Variants in AASDH observed in about 807,000 individuals in gnomAD.
The protein encoded by AASDH is beta-alanine-activating enzyme.
In AASDH, 81 loss-of-function variants were observed where a neutral mutation model predicts 102.3. The ratio of observed to expected loss-of-function variants is 0.79; its 90% CI spans 0.66 to 0.95. The LOEUF (loss-of-function observed/expected upper bound fraction) is 0.95. Among genes scored for constraint, AASDH ranks in the 40% least tolerant of loss-of-function variants. The probability of loss-of-function intolerance (pLI) is 0.00; values close to 1 mark genes in which losing one functional copy is unlikely to be tolerated. For synonymous variants in AASDH, 398 were observed against 454.0 expected, an observed-to-expected ratio of 0.88 and a Z score of 1.57; for missense variants, 1,203 against 1,266.2, an observed-to-expected ratio of 0.95 and a Z score of 0.76.
At chr4:56,386,952 G>C (rs1420136549) in intron 1 of AASDH, among the ~76,000 whole-genome samples, 1 of 152,058 alleles carries the variant, frequency 6.6e-6, no homozygotes, top group Non-Finnish European at 1.5e-5. Context: ...AATTGCTATG[G>C]GGCCTCTCTC....
chr4:56,366,937 G>C (rs1466486141), intron 5 of AASDH, among the ~76,000 whole-genome samples: 1 of 151,990 alleles, frequency 6.6e-6, no homozygotes, highest in Non-Finnish European at 1.5e-5. Context: ...AATTGTCCCT[G>C]TTTGCAGATG....
chr4:56,348,157 A>C (rs1748538204), intron 11 of AASDH, among the ~76,000 whole-genome samples: 1 of 152,140 alleles, frequency 6.6e-6, no homozygotes, highest in African/African-American at 2.4e-5. Flanking sequence ...TCTCAAAAAA[A>C]AGAAAAAAAA....
At chr4:56,370,028 T>C (rs1055190457) in intron 5 of AASDH, among the ~76,000 whole-genome samples, 20 of 151,706 alleles carry the variant, frequency 1.3e-4, no homozygotes, top group African/African-American at 4.8e-4. Context: ...TAACACACTA[T>C]GGTCTGAATG....
At position 56,384,258 on chromosome 4, in the gene AASDH, A is replaced by G. The variant is rs1753296841; in HGVS notation, c.42T>C (p.Tyr14=). The part of the protein sequence containing the change: ...QELVHKAASC[Y]MDRVAVCFDE... The stretch of plus-strand genomic sequence containing the variant: ...CAAAACATACAGCTACTCTGTCCAT[A>G]TAACAGGAGGCAGCCTTATGCACCA... Residue 14 remains tyrosine, a synonymous_variant, in exon 2 of 15, where the codon TAT becomes TAC. Transcript: ENST00000205214. 10 of 1,614,022 alleles carry G rather than the reference A, an allele frequency of 6.2e-6. No homozygotes were observed. The highest frequency in any genetic ancestry group is 3.3e-5 in the Admixed American group (2 of 60,002).
Position 56,355,234 on chromosome 4 carries a change from TTGATACCTCTG to T in AASDH, c.1040_1050del (p.Thr347LysfsTer7). 6.2e-7 allele frequency: 1 copy of T among 1,614,136 alleles called. No individual in the cohort carries two copies. The highest frequency in any genetic ancestry group is 8.5e-7 in the Non-Finnish European group (1 of 1,180,000). On this transcript the variant is annotated frameshift_variant, in exon 6 of 15. Transcript: ENST00000205214. LOFTEE classifies it high-confidence loss of function. Reference sequence around the variant, plus strand: ...GGAATCCTATAAATGGTCGCCCAACTTGATACCTCTGTGATACCATAAACATTAAATATTTG... The same window carrying T: ...GGAATCCTATAAATGGTCGCCCAACTTGATACCATAAACATTAAATATTTG...
At chr4:56,360,612 A>G (rs1750176564) in intron 5 of AASDH, among the ~76,000 whole-genome samples, 1 of 152,144 alleles carries the variant, frequency 6.6e-6, no homozygotes, top group Non-Finnish European at 1.5e-5. Flanking sequence ...AAATGTTGAA[A>G]TGATTGTTTT....
intron 5 of AASDH, among the ~76,000 whole-genome samples, chr4:56,357,114 T>C (rs542168651): frequency 6.6e-6 from 1 of 152,320 alleles, no homozygotes; most frequent in Non-Finnish European, 1.5e-5. Flanking sequence ...TATATACTAG[T>C]AAAACCATCA....
At chr4:56,383,956 C>T in intron 2 of AASDH, 114 bp downstream of exon 2, 1 of 829,662 alleles carries the variant, frequency 1.2e-6, no homozygotes, top group South Asian at 1.9e-5. Flanking sequence ...CTACAATTGA[C>T]CAAACAATAT....
intron 5 of AASDH, among the ~76,000 whole-genome samples, chr4:56,355,773 C>T (rs1460023907): frequency 4.0e-5 from 6 of 151,844 alleles, no homozygotes; most frequent in Non-Finnish European, 7.4e-5. Flanking sequence ...GCACGTACCA[C>T]CACACCTAGC....
chr4:56,382,998 G>A (rs1418628157), intron 2 of AASDH, among the ~76,000 whole-genome samples: 5 of 152,140 alleles, frequency 3.3e-5, no homozygotes, highest in African/African-American at 7.2e-5. Flanking sequence ...CGGAGGTTGC[G>A]GTGAGCCGAG....
intron 10 of AASDH, among the ~76,000 whole-genome samples, chr4:56,351,038 A>G (rs1009047736): frequency 3.3e-5 from 5 of 152,222 alleles, no homozygotes; most frequent in Admixed American, 2.6e-4. Context: ...CTCTGACAAG[A>G]GTGTTACTAC....
intron 12 of AASDH, among the ~76,000 whole-genome samples, chr4:56,344,228 G>A (rs1418983693): frequency 6.6e-6 from 1 of 152,084 alleles, no homozygotes; most frequent in Non-Finnish European, 1.5e-5. Context: ...ATTGGATCAA[G>A]GATATGATAT....
At chr4:56,371,311 A>G (rs1191134462) in intron 5 of AASDH, 140 bp downstream of exon 5, 1 of 825,344 alleles carries the variant, frequency 1.2e-6, no homozygotes. Context: ...AAAAAGTCAC[A>G]TCCTGAGGAG....
rs1204980996 is a variant in AASDH at position 56,384,304 on chromosome 4, C to T, written c.-5G>A. The T allele has an allele frequency of 6.2e-7, 1 of 1,612,882 alleles. No individual in the cohort carries two copies. Among genetic ancestry groups the T allele is most frequent in the Admixed American group, 1.7e-5 (1 of 60,022 alleles). ...CACCAATTCCTGAAGAGTCATTTCA[C>T]TGAAGTTTATCTAAACATCAATTTG... On this transcript the variant is annotated 5_prime_UTR_variant, in exon 2 of 15. The change creates a new upstream start codon in the 5' untranslated region. Coordinates refer to ENST00000205214, the MANE Select transcript of AASDH (RefSeq NM_181806.4).
At position 56,338,798 on chromosome 4, in the gene AASDH, C is replaced by T; in HGVS notation, c.2908-7G>A. 6.2e-7 allele frequency: 1 copy of T among 1,610,392 alleles called. No individual in the cohort carries two copies. Among genetic ancestry groups the T allele is most frequent in the Non-Finnish European group, 8.5e-7 (1 of 1,178,224 alleles). ...TGGTAGAGAACTGCCAAACCTATAA[C>T]AAGTAATAAAAATAAATATAATTCA... On this transcript the variant is annotated splice_polypyrimidine_tract_variant and splice_region_variant and intron_variant, in intron 14 of 14. Transcript: ENST00000205214.
At chr4:56,351,484 G>A (rs1299056988) in intron 9 of AASDH, 27 bp from the exon 10 acceptor site, 2 of 1,271,124 alleles carry the variant, frequency 1.6e-6, no homozygotes, top group Non-Finnish European at 2.2e-6. Flanking sequence ...AATAACAAAT[G>A]TTTTAAAACA....
intron 3 of AASDH, among the ~76,000 whole-genome samples, chr4:56,381,505 G>C (rs1752937984): frequency 1.3e-5 from 2 of 151,890 alleles, no homozygotes; most frequent in Admixed American, 1.3e-4. Flanking sequence ...TTGAACCTGG[G>C]AGGCGGAGGT....
intron 5 of AASDH, among the ~76,000 whole-genome samples, chr4:56,358,786 G>T (rs1177367537): frequency 4.6e-5 from 7 of 152,052 alleles, no homozygotes; most frequent in Non-Finnish European, 8.8e-5. Flanking sequence ...TGCTTAAAAA[G>T]AATTCTGCAA....
intron 10 of AASDH, 23 bp from the exon 11 acceptor site, chr4:56,350,081 A>G (rs751796407): frequency 6.5e-7 from 1 of 1,533,818 alleles, no homozygotes; most frequent in Non-Finnish European, 8.7e-7. Flanking sequence ...GAATAGAGAA[A>G]TATGTGACGT....
Sources: allele counts gnomAD v4.1 joint callset (sites outside exome capture counted in the v4.1 genomes callset), GRCh38; gene constraint gnomAD v4.1.1; transcripts MANE v1.5; gene names NCBI Gene and HGNC (gene_info 2026-07-23, HGNC 2026-07-21).